TMTC2: variants seen among roughly 807,000 people sequenced by gnomAD.
TMTC2 encodes the protein transmembrane O-mannosyltransferase targeting cadherins 2.
TMTC2 carries 43 observed loss-of-function variants against 82.4 expected under a neutral mutation model. The ratio of observed to expected loss-of-function variants is 0.52; its 90% CI spans 0.41 to 0.67. TMTC2 has a LOEUF of 0.67. Ranked by LOEUF, TMTC2 falls within the 30% of genes least tolerant of loss-of-function variation. The pLI, the probability that TMTC2 is intolerant of heterozygous loss-of-function variation, is 0.00. For synonymous variants in TMTC2, 408 were observed against 381.9 expected (o/e 1.07, Z -0.80); for missense variants, 919 against 1,012.4 (o/e 0.91, Z 1.25).
intron 11 of TMTC2, among the ~76,000 whole-genome samples, chr12:83,062,372 A>G (rs1040141464): frequency 6.6e-6 from 1 of 151,726 alleles, no homozygotes; most frequent in South Asian, 2.1e-4. Context: ...GATCTTTTCT[A>G]TTGAAATAGA....
In TMTC2 at chr12:82,696,967, T is replaced by C. The variant is rs946751036; in HGVS notation, c.83+9298T>C. 3.5e-5 allele frequency among the ~76,000 whole-genome samples: 5 copies of C among 144,644 alleles called. No individual in the cohort carries two copies. The South Asian group carries it at 6.8e-4, about 20-fold the overall frequency. 94.9% of individuals were successfully genotyped at this position (144,644 alleles called of 152,430 possible). A position where few individuals can be genotyped will look rare whatever the true frequency, so the allele number is the denominator to read the frequency against. On this transcript the variant is annotated intron_variant, in intron 1 of 11. Coordinates refer to ENST00000321196, the MANE Select transcript of TMTC2 (RefSeq NM_152588.3). Reference sequence around the variant, plus strand: ...CTCTTTCTACATACATACATACGTATATATATATATATATATGTTTCTATT... The same window carrying C: ...CTCTTTCTACATACATACATACGTACATATATATATATATATGTTTCTATT...
At chr12:83,059,343 A>G (rs1022874192) in intron 10 of TMTC2, among the ~76,000 whole-genome samples, 1 of 151,866 alleles carries the variant, frequency 6.6e-6, no homozygotes, top group Non-Finnish European at 1.5e-5. Context: ...GGCATTGGAC[A>G]CTTCCTCATG....
chr12:83,032,255 TTTTATATATATATATA>T (rs1254493589), intron 9 of TMTC2, among the ~76,000 whole-genome samples: 8 of 85,724 alleles, frequency 9.3e-5, no homozygotes, highest in East Asian at 3.5e-4. Context: ...ATAGAGAATA[TTTTATATATATATATA>T]TATATATATA....
chr12:82,753,433 A>G (rs1030544115), intron 1 of TMTC2, among the ~76,000 whole-genome samples: 6 of 149,554 alleles, frequency 4.0e-5, no homozygotes, highest in Admixed American at 3.4e-4. Context: ...TACTGTGTGG[A>G]GGGCTAAATT....
chr12:82,760,387 G>A (rs1004860313), intron 1 of TMTC2: 1 of 148,392 alleles, frequency 6.7e-6, no homozygotes, highest in Admixed American at 6.8e-5. Context: ...TTTATTCAAT[G>A]AATTATATTT....
chr12:82,876,501 T>C (rs1872589459), intron 2 of TMTC2, among the ~76,000 whole-genome samples: 1 of 152,192 alleles, frequency 6.6e-6, no homozygotes, highest in Non-Finnish European at 1.5e-5. Flanking sequence ...TGAATACCAT[T>C]GGATTTATTG....
chr12:82,876,289 A>G (rs1872575248), intron 2 of TMTC2, among the ~76,000 whole-genome samples: 1 of 150,990 alleles, frequency 6.6e-6, no homozygotes, highest in Non-Finnish European at 1.5e-5. Context: ...CACAGTGTTT[A>G]CCTTCCAGGT....
At chr12:82,717,218 C>CTTT (rs200275370) in intron 1 of TMTC2, among the ~76,000 whole-genome samples, 4 of 139,114 alleles carry the variant, frequency 2.9e-5, no homozygotes, top group Non-Finnish European at 3.1e-5. Flanking sequence ...GCAAAAGGCA[C>CTTT]TTTTTTTTTT....
chr12:83,088,124 A>G (rs1883723829), intron 11 of TMTC2, among the ~76,000 whole-genome samples: 2 of 152,312 alleles, frequency 1.3e-5, no homozygotes, highest in Middle Eastern at 6.8e-3. Context: ...GCATTTTTAT[A>G]TTATAGAGAT....
chr12:82,729,800 A>T (rs949331961), intron 1 of TMTC2, among the ~76,000 whole-genome samples: 1 of 152,210 alleles, frequency 6.6e-6, no homozygotes, highest in Non-Finnish European at 1.5e-5. Context: ...GCTCTTTGCA[A>T]TAAATCTTGC....
chr12:82,741,042 A>G (rs975062277), intron 1 of TMTC2, among the ~76,000 whole-genome samples: 1 of 152,128 alleles, frequency 6.6e-6, no homozygotes, highest in Non-Finnish European at 1.5e-5. Context: ...TATACCCACT[A>G]TATCAACAAG....
Position 83,024,863 on chromosome 12 carries a change from GTAAT to G in TMTC2, c.2071-5931_2071-5928del, listed in dbSNP as rs1391592032. On this transcript the variant is annotated intron_variant, in intron 8 of 11. Transcript: ENST00000321196. Reference sequence around the variant, plus strand: ...TAATTTACTAATAACATGTAAATAAGTAATTAAGTAGTAACTATAAACTATTAAG... The same window carrying G: ...TAATTTACTAATAACATGTAAATAAGTAAGTAGTAACTATAAACTATTAAG... 4.6e-5 allele frequency among the ~76,000 whole-genome samples: 7 copies of G among 152,238 alleles called. No homozygotes were observed. The South Asian group carries it at 1.0e-3, about 23-fold the overall frequency.
intron 1 of TMTC2, among the ~76,000 whole-genome samples, chr12:82,761,660 C>T (rs926537714): frequency 2.0e-5 from 3 of 152,254 alleles, no homozygotes; most frequent in South Asian, 2.1e-4. Flanking sequence ...TTTTCCACCC[C>T]GGAACCCTGC....
At chr12:83,007,382 AC>A (rs1275228411) in intron 8 of TMTC2, among the ~76,000 whole-genome samples, 1 of 152,072 alleles carries the variant, frequency 6.6e-6, no homozygotes, top group East Asian at 1.9e-4. Flanking sequence ...CGTTCTTCTT[AC>A]GTTTTAATTG....
chr12:82,697,715 G>C (rs1252331457), intron 1 of TMTC2, among the ~76,000 whole-genome samples: 1 of 152,164 alleles, frequency 6.6e-6, no homozygotes, highest in Non-Finnish European at 1.5e-5. Context: ...CATCTTCTTT[G>C]TAAGATGACT....
At chr12:82,940,236 C>A (rs972865312) in intron 4 of TMTC2, among the ~76,000 whole-genome samples, 1 of 151,632 alleles carries the variant, frequency 6.6e-6, no homozygotes, top group Non-Finnish European at 1.5e-5. Flanking sequence ...AGGTTGGTCT[C>A]GAACTCCGGA....
intron 8 of TMTC2, among the ~76,000 whole-genome samples, chr12:83,026,705 AGT>A (rs67900968): frequency 0.045 from 6,414 of 142,822 alleles, 161 homozygotes; most frequent in African/African-American, 0.06. Flanking sequence ...TGATTGAAGG[AGT>A]GTGTGTGTGT....
At chr12:82,695,610 T>C (rs1872751437) in intron 1 of TMTC2, among the ~76,000 whole-genome samples, 1 of 152,206 alleles carries the variant, frequency 6.6e-6, no homozygotes, top group Non-Finnish European at 1.5e-5. Flanking sequence ...GTTAGTTGTG[T>C]CTCTTGGATT....
intron 1 of TMTC2, among the ~76,000 whole-genome samples, chr12:82,715,441 G>T (rs1262602962): frequency 6.6e-6 from 1 of 152,124 alleles, no homozygotes; most frequent in Non-Finnish European, 1.5e-5. Context: ...GATAGGAAAT[G>T]ATTTTTAGGG....
Sources: allele counts gnomAD v4.1 joint callset (sites outside exome capture counted in the v4.1 genomes callset), GRCh38; gene constraint gnomAD v4.1.1; transcripts MANE v1.5; gene names NCBI Gene and HGNC (gene_info 2026-07-23, HGNC 2026-07-21).